ZNF71: variants seen among roughly 807,000 people sequenced by gnomAD.
The protein encoded by ZNF71 is endothelial zinc finger protein induced by tumor necrosis factor alpha.
Under a neutral mutation model 6.7 loss-of-function variants are expected in ZNF71, and 3 were observed. The ratio of observed to expected loss-of-function variants is 0.45; its 90% confidence interval spans 0.20 to 1.16. ZNF71 has a LOEUF of 1.16. Ranked by LOEUF, ZNF71 falls within the 50% of genes most tolerant of loss-of-function variation. The pLI, the probability that ZNF71 is intolerant of heterozygous loss-of-function variation, is 0.25. For missense variants in ZNF71, 688 were observed against 728.6 expected (o/e 0.94, Z 0.64); for synonymous variants, 343 against 311.1 (o/e 1.10, Z -1.08).
chr19:56,612,607 G>C (rs1486904023), intron 2 of ZNF71, among the ~76,000 whole-genome samples: 1 of 152,108 alleles, frequency 6.6e-6, no homozygotes, highest in Non-Finnish European at 1.5e-5. Flanking sequence ...TGTTATAATA[G>C]ACTTTGGAAA....
chr19:56,617,171 C>T (rs1195454118), intron 3 of ZNF71, among the ~76,000 whole-genome samples: 1 of 145,136 alleles, frequency 6.9e-6, no homozygotes, highest in African/African-American at 2.7e-5. Flanking sequence ...AGTGCAGTGG[C>T]ATGATCAGAG....
chr19:56,609,637 T>C (rs1568505709), intron 2 of ZNF71, among the ~76,000 whole-genome samples: 2 of 140,524 alleles, frequency 1.4e-5, no homozygotes, highest in African/African-American at 3.2e-5. Context: ...GCATACGATA[T>C]GGATTTTGCC....
In ZNF71 at chr19:56,622,462, C is replaced by G. The variant is rs769598739; in HGVS notation, c.1355C>G (p.Thr452Arg). The G allele has an allele frequency of 6.2e-7, 1 of 1,604,678 alleles. No homozygotes were observed. The highest frequency in any genetic ancestry group is 1.7e-5 in the Admixed American group (1 of 58,962). ...TGCTACATCTGCAAGAAGCACTTCA[C>G]GGGGCGCTCGTCCCTCATCGTGCAC... is the stretch of plus-strand genomic sequence containing the variant. Reference protein sequence around the residue: ...YECYICKKHFTGRSSLIVHQI... With the variant: ...YECYICKKHFRGRSSLIVHQI... The change falls in exon 4 of 4, where the codon ACG becomes AGG. Residue 452 changes from threonine to arginine, a missense_variant. Thr to Arg is a moderately conservative substitution (Grantham distance 71). Coordinates refer to ENST00000599599, the MANE Select transcript of ZNF71 (RefSeq NM_001370215.1).
At chr19:56,607,927 C>G (rs952967856) in intron 2 of ZNF71, among the ~76,000 whole-genome samples, 11 of 152,146 alleles carry the variant, frequency 7.2e-5, no homozygotes, top group Non-Finnish European at 1.6e-4. Context: ...GGTGGGATGC[C>G]TTAACTCCTT....
rs756858548 is a variant in ZNF71, at chr19:56,622,113, G to A, written c.1006G>A (p.Gly336Arg). 1.2e-6 allele frequency: 2 copies of A among 1,612,434 alleles called. No individual in the cohort carries two copies. Among genetic ancestry groups the A allele is most frequent in the Non-Finnish European group, 1.7e-6 (2 of 1,179,006 alleles). The change falls in exon 4 of 4, where the codon GGG becomes AGG. Residue 336 changes from glycine to arginine, a missense_variant. Gly to Arg is a moderately radical substitution (Grantham distance 125, BLOSUM62 -2). Transcript: ENST00000599599. The part of the protein sequence containing the change: ...GEKPYVCPEC[G>R]RAFSQNMHLT... Reference sequence around the variant, plus strand: ...GAAGCCGTACGTGTGCCCCGAGTGCGGGCGAGCCTTCAGCCAGAACATGCA... The same window carrying A: ...GAAGCCGTACGTGTGCCCCGAGTGCAGGCGAGCCTTCAGCCAGAACATGCA...
chr19:56,616,628 G>A (rs2044793664), intron 3 of ZNF71, among the ~76,000 whole-genome samples: 1 of 152,184 alleles, frequency 6.6e-6, no homozygotes, highest in African/African-American at 2.4e-5. Context: ...GTAGTTTCCT[G>A]ACATGCACGT....
Position 56,622,720 on chromosome 19 carries a change from A to G in ZNF71, c.1613A>G (p.Asn538Ser), listed in dbSNP as rs2044873345. 1.2e-6 allele frequency: 2 copies of G among 1,610,750 alleles called. No individual in the cohort carries two copies. Among genetic ancestry groups the G allele is most frequent in the Admixed American group, 1.7e-5 (1 of 59,910 alleles). The change falls in exon 4 of 4, where the codon AAC becomes AGC. Residue 538 changes from asparagine to serine, a missense_variant. Physicochemically the swap from Asn to Ser is conservative, Grantham distance 46. Coordinates refer to ENST00000599599, the MANE Select transcript of ZNF71 (RefSeq NM_001370215.1). ...CGECGKTFSR[N>S]TNLTRHLRIH... Reference sequence around the variant, plus strand: ...GAGTGCGGGAAGACCTTCAGCCGCAACACGAACCTGACGCGCCACCTGCGG... The same window carrying G: ...GAGTGCGGGAAGACCTTCAGCCGCAGCACGAACCTGACGCGCCACCTGCGG...
At chr19:56,620,920 C>T (rs182058618) in intron 3 of ZNF71, among the ~76,000 whole-genome samples, 72 of 152,246 alleles carry the variant, frequency 4.7e-4, no homozygotes, top group Non-Finnish European at 7.6e-4. Flanking sequence ...AGTCAGTAGC[C>T]GGCTGCAGTC....
chr19:56,620,736 G>A (rs1406972057), intron 3 of ZNF71, among the ~76,000 whole-genome samples: 1 of 152,026 alleles, frequency 6.6e-6, no homozygotes, highest in East Asian at 1.9e-4. Flanking sequence ...GGGGTGGGGG[G>A]TCTCACTATG....
chr19:56,609,102 T>G (rs2044730940), intron 2 of ZNF71, among the ~76,000 whole-genome samples: 1 of 152,228 alleles, frequency 6.6e-6, no homozygotes, highest in Admixed American at 6.5e-5. Flanking sequence ...GTAAAATGTC[T>G]GAACATTTTA....
intron 3 of ZNF71, among the ~76,000 whole-genome samples, chr19:56,620,648 C>T (rs1300316361): frequency 2.0e-5 from 3 of 152,060 alleles, no homozygotes; most frequent in African/African-American, 7.2e-5. Context: ...CCTCCCACCT[C>T]AGCCTCTCAA....
chr19:56,601,580 G>C lies in ZNF71; in HGVS notation c.22G>C (p.Asp8His). MAAQLLT[D>H]EALESVTFRD... ...AGGGATGGCTGCTCAGCTGCTGACT[G>C]ATGAGGCACTGGTGAGTCATGTTGC... Residue 8 changes from aspartate (D) to histidine (H), a missense_variant, in exon 2 of 4, where the codon GAT (aspartate) becomes CAT (histidine). Coordinates refer to ENST00000599599, the MANE Select transcript of ZNF71 (RefSeq NM_001370215.1). 1.0e-6 allele frequency: 1 copy of C among 985,860 alleles called. No homozygotes were observed. The highest frequency in any genetic ancestry group is 1.2e-6 in the Non-Finnish European group (1 of 830,054). 61.1% of individuals were successfully genotyped at this position (985,860 alleles called of 1,614,324 possible). A position where few individuals can be genotyped will look rare whatever the true frequency, so the allele number is the denominator to read the frequency against.
intron 1 of ZNF71, among the ~76,000 whole-genome samples, chr19:56,600,092 G>GTTTTTTTTTTTTTTTTTTTT (rs1568503280): frequency 8.9e-6 from 1 of 112,944 alleles, no homozygotes; most frequent in Non-Finnish European, 1.8e-5. Context: ...TTTTTTTGGG[G>GTTTTTTTTTTTTTTTTTTTT]TTTGTTTTTT....
chr19:56,599,823 A>T (rs923985563), intron 1 of ZNF71, among the ~76,000 whole-genome samples: 4 of 150,720 alleles, frequency 2.7e-5, no homozygotes, highest in Non-Finnish European at 5.9e-5. Context: ...CCTCCCGAGT[A>T]GCTGGGATTA....
rs2148013756 is a variant in ZNF71, at chr19:56,613,093, G to C, written c.34-719G>C. Reference sequence around the variant, plus strand: ...TCCGCCAGGTTCTTTCAGTCCACAGGCTTGTGACATCTACCACAAAGTGCT... The same window carrying C: ...TCCGCCAGGTTCTTTCAGTCCACAGCCTTGTGACATCTACCACAAAGTGCT... On this transcript the variant is annotated intron_variant, in intron 2 of 3. Coordinates refer to ENST00000599599, the MANE Select transcript of ZNF71 (RefSeq NM_001370215.1). The surrounding 1 kb of genome is among the most constrained non-coding windows in gnomAD (Gnocchi z 4.6). 6.6e-6 allele frequency among the ~76,000 whole-genome samples: 1 copy of C among 152,214 alleles called. No homozygotes were observed. Among genetic ancestry groups the C allele is most frequent in the South Asian group, 2.1e-4 (1 of 4,828 alleles).
At chr19:56,596,222 G>A (rs1320442615) in intron 1 of ZNF71, among the ~76,000 whole-genome samples, 2 of 152,058 alleles carry the variant, frequency 1.3e-5, no homozygotes, top group Non-Finnish European at 2.9e-5. Context: ...CATGAGTGTA[G>A]GGCTGTGTCT....
chr19:56,622,914 A>G lies in ZNF71; in HGVS notation c.*157A>G. On this transcript the variant is annotated 3_prime_UTR_variant, in exon 4 of 4. Transcript: ENST00000599599. Reference sequence around the variant, plus strand: ...GGTTGTGGAGGGGCTGGCTGATCACACATGCCCCCTCCTTACTGAGCCTCA... The same window carrying G: ...GGTTGTGGAGGGGCTGGCTGATCACGCATGCCCCCTCCTTACTGAGCCTCA... 1 of 938,568 alleles carries G rather than the reference A, an allele frequency of 1.1e-6. No homozygotes were observed. 58.1% of individuals were successfully genotyped at this position (938,568 alleles called of 1,614,324 possible).
Position 56,622,280 on chromosome 19 carries a change from C to T in ZNF71, c.1173C>T (p.Cys391=), listed in dbSNP as rs774341089. The change falls in exon 4 of 4, where the codon TGC becomes TGT. Residue 391 remains cysteine, a synonymous_variant. Transcript: ENST00000599599. The part of the protein sequence containing the change: ...TGEKPYVCGE[C]GKAFSQSSYL... ...AGAAGCCCTACGTGTGCGGCGAGTG[C>T]GGCAAGGCCTTCAGCCAGAGCTCCT... 2.5e-6 allele frequency: 4 copies of T among 1,609,718 alleles called. No homozygotes were observed. Among genetic ancestry groups the T allele is most frequent in the East Asian group, 4.5e-5 (2 of 44,840 alleles).
In ZNF71 at chr19:56,595,329, G is replaced by C. The variant is rs933896562; in HGVS notation, c.-152G>C. The C allele has an allele frequency of 2.0e-5, 3 of 152,534 alleles. No homozygotes were observed. Among genetic ancestry groups the C allele is most frequent in the Admixed American group, 2.0e-4 (3 of 15,284 alleles). The allele number at this position is 152,534 out of a possible 1,614,324, so 9.4% of individuals were successfully genotyped here. A position where few individuals can be genotyped will look rare whatever the true frequency, so the allele number is the denominator to read the frequency against. ...TGTCCTGGCAGAGCGGCGAGCCGGT[G>C]AGTGTGGCTGCGGGGTCGCGCCCAC... On this transcript the variant is annotated 5_prime_UTR_variant, in exon 1 of 4. Coordinates refer to ENST00000599599, the MANE Select transcript of ZNF71 (RefSeq NM_001370215.1).
Sources: gnomAD v4.1 joint callset for allele counts (sites outside exome capture counted in the v4.1 genomes callset) on GRCh38, gnomAD v4.1.1 for gene constraint, Gnocchi (gnomAD v3.1) non-coding constraint, MANE v1.5 for transcripts, NCBI Gene and HGNC (gene_info 2026-07-23, HGNC 2026-07-21) for gene names.